The following SNTG1 variants were observed in gnomAD, a reference collection of about 807,000 sequenced individuals.
SNTG1 encodes syntrophin gamma 1.
In SNTG1, 39 loss-of-function variants were observed where a neutral mutation model predicts 74.7. The ratio of observed to expected loss-of-function variants is 0.52; its 90% CI spans 0.40 to 0.68. The LOEUF (loss-of-function observed/expected upper bound fraction) is 0.68, where lower values mean the gene tolerates loss of function less well. SNTG1 is among the 30% of genes least tolerant of loss of function. The probability of loss-of-function intolerance (pLI) is 0.00; values close to 1 mark genes in which losing one functional copy is unlikely to be tolerated. For missense variants in SNTG1, 685 were observed against 609.5 expected (o/e 1.12, Z -1.30); for synonymous variants, 254 against 217.1 (o/e 1.17, Z -1.49).
At chr8:50,174,834 T>C (rs946932465) in intron 2 of SNTG1, among the ~76,000 whole-genome samples, 14 of 151,602 alleles carry the variant, frequency 9.2e-5, no homozygotes, top group African/African-American at 3.4e-4. Context: ...TAGCATTAGG[T>C]ATATCTCGTA....
intron 2 of SNTG1, among the ~76,000 whole-genome samples, chr8:50,348,189 AAG>A (rs2091538909): frequency 1.3e-5 from 2 of 152,296 alleles, no homozygotes; most frequent in South Asian, 4.1e-4. Context: ...GCATTTCCAA[AAG>A]AAATAGCAAC....
chr8:50,704,636 A>G lies in SNTG1; in HGVS notation c.1075A>G (p.Thr359Ala). 2 of 1,614,030 alleles carry G rather than the reference A, an allele frequency of 1.2e-6. No homozygotes were observed. ...GCTGGACCGACGGAAACAGTGCTTCACCGTGCAGTCTGAGTCTGGGGAGGA... is the reference window on the plus strand; with the variant it reads ...GCTGGACCGACGGAAACAGTGCTTCGCCGTGCAGTCTGAGTCTGGGGAGGA... ...DLLDRRKQCF[T>A]VQSESGEDLY... Residue 359 changes from threonine to alanine, a missense_variant, in exon 16 of 19, where the codon ACC (threonine) becomes GCC (alanine). By Grantham distance (58) the Thr-to-Ala change is moderately conservative. Coordinates refer to ENST00000642720, the MANE Select transcript of SNTG1 (RefSeq NM_018967.5).
At chr8:50,473,835 A>C (rs1172325287) in intron 8 of SNTG1, among the ~76,000 whole-genome samples, 3 of 152,220 alleles carry the variant, frequency 2.0e-5, no homozygotes, top group Non-Finnish European at 2.9e-5. Context: ...ATCCTGTATG[A>C]AACCACTTAT....
At chr8:50,684,006 T>C (rs2095341755) in intron 15 of SNTG1, among the ~76,000 whole-genome samples, 1 of 152,210 alleles carries the variant, frequency 6.6e-6, no homozygotes, top group Non-Finnish European at 1.5e-5. Context: ...GACTGGAACA[T>C]TGAAGAACAG....
intron 1 of SNTG1, among the ~76,000 whole-genome samples, chr8:50,116,504 A>G (rs1249978285): frequency 6.6e-6 from 1 of 152,168 alleles, no homozygotes; most frequent in African/African-American, 2.4e-5. Flanking sequence ...CTTTAAAACC[A>G]CATAAGATAA....
At chr8:50,756,364 T>C (rs1422468933) in intron 18 of SNTG1, among the ~76,000 whole-genome samples, 1 of 151,890 alleles carries the variant, frequency 6.6e-6, no homozygotes, top group East Asian at 1.9e-4. Context: ...TATGTTATCT[T>C]CTAGGAGTTT....
chr8:50,618,047 T>A (rs1278482194), intron 13 of SNTG1, among the ~76,000 whole-genome samples: 1 of 152,216 alleles, frequency 6.6e-6, no homozygotes, highest in Non-Finnish European at 1.5e-5. Flanking sequence ...CAATTATGAA[T>A]TAATTTAATT....
chr8:50,664,500 T>A (rs1223974100), intron 15 of SNTG1, among the ~76,000 whole-genome samples: 1 of 152,184 alleles, frequency 6.6e-6, no homozygotes, highest in Non-Finnish European at 1.5e-5. Context: ...TTTTCTCCTA[T>A]ATTTTTGGGG....
At chr8:50,068,215 C>T (rs1474170047) in intron 1 of SNTG1, among the ~76,000 whole-genome samples, 5 of 152,166 alleles carry the variant, frequency 3.3e-5, no homozygotes, top group African/African-American at 1.2e-4. Flanking sequence ...ATTACAACCT[C>T]TGTGGGATTA....
chr8:50,389,709 A>C (rs2092627584), intron 2 of SNTG1, among the ~76,000 whole-genome samples: 1 of 152,122 alleles, frequency 6.6e-6, no homozygotes, highest in South Asian at 2.1e-4. Flanking sequence ...AACACTGTAA[A>C]AGTGTTCCTA....
chr8:50,000,812 G>C (rs997584003), intron 1 of SNTG1, among the ~76,000 whole-genome samples: 1 of 152,206 alleles, frequency 6.6e-6, no homozygotes, highest in Non-Finnish European at 1.5e-5. Context: ...ATCTGGACAA[G>C]AGGTTATCCT....
intron 17 of SNTG1, among the ~76,000 whole-genome samples, chr8:50,743,084 G>T (rs1254243860): frequency 2.1e-5 from 3 of 143,878 alleles, no homozygotes; most frequent in East Asian, 2.0e-4. Context: ...AAAAATCAAA[G>T]TTATTCTCAA....
intron 8 of SNTG1, among the ~76,000 whole-genome samples, chr8:50,482,088 A>T (rs1259840531): frequency 6.6e-6 from 1 of 152,158 alleles, no homozygotes; most frequent in Non-Finnish European, 1.5e-5. Flanking sequence ...TGCTGCCCTA[A>T]TCAATCTGTC....
At chr8:50,266,770 G>T (rs537029889) in intron 2 of SNTG1, among the ~76,000 whole-genome samples, 2 of 150,886 alleles carry the variant, frequency 1.3e-5, no homozygotes, top group East Asian at 3.9e-4. Context: ...CAAAAAAAGC[G>T]AAAGAGAAGT....
At chr8:50,139,154 T>A (rs1364057382) in intron 1 of SNTG1, among the ~76,000 whole-genome samples, 1 of 152,188 alleles carries the variant, frequency 6.6e-6, no homozygotes, top group Non-Finnish European at 1.5e-5. Context: ...TGGGTATTTA[T>A]GTTCCTATAG....
intron 17 of SNTG1, among the ~76,000 whole-genome samples, chr8:50,733,931 G>A (rs1018253615): frequency 6.6e-6 from 1 of 151,294 alleles, no homozygotes; most frequent in African/African-American, 2.4e-5. Flanking sequence ...TCATGTCTAG[G>A]ACTTCATATA....
chr8:50,772,596 AG>A (rs2095629883), intron 18 of SNTG1, among the ~76,000 whole-genome samples: 1 of 152,108 alleles, frequency 6.6e-6, no homozygotes, highest in Admixed American at 6.6e-5. Context: ...GACCAAATGG[AG>A]GGAATGATTG....
chr8:50,527,046 T>C (rs1455105647), intron 9 of SNTG1, among the ~76,000 whole-genome samples: 2 of 152,188 alleles, frequency 1.3e-5, no homozygotes, highest in East Asian at 3.9e-4. Flanking sequence ...CTATTGAGTG[T>C]GCAGTGAAAT....
intron 2 of SNTG1, among the ~76,000 whole-genome samples, chr8:50,253,446 A>AT (rs397715984): frequency 6.6e-6 from 1 of 150,380 alleles, no homozygotes; most frequent in Non-Finnish European, 1.5e-5. Context: ...AAATAAATAA[A>AT]AATAAAGGTA....
Sources: allele counts gnomAD v4.1 joint callset (sites outside exome capture counted in the v4.1 genomes callset), GRCh38; gene constraint gnomAD v4.1.1; transcripts MANE v1.5; gene names NCBI Gene and HGNC (gene_info 2026-07-23, HGNC 2026-07-21).